The following EXOC4 variants were observed in gnomAD, a reference collection of about 807,000 sequenced individuals.
EXOC4 encodes the protein exocyst complex component 4.
Under a neutral mutation model 107.2 loss-of-function variants are expected in EXOC4, and 71 were observed. That is an observed-to-expected ratio of 0.66 (90% confidence interval 0.55 to 0.81). The LOEUF is 0.81. Ranked by LOEUF, EXOC4 falls within the 30% of genes least tolerant of loss-of-function variation. The pLI, the probability that EXOC4 is intolerant of heterozygous loss-of-function variation, is 0.00. For missense variants in EXOC4, 1,108 were observed against 1,189.6 expected (o/e 0.93, Z 1.01); for synonymous variants, 456 against 441.2 (o/e 1.03, Z -0.42).
chr7:133,548,939 C>T (rs1477843263), intron 9 of EXOC4, among the ~76,000 whole-genome samples: 1 of 152,200 alleles, frequency 6.6e-6, no homozygotes, highest in African/African-American at 2.4e-5. Context: ...TGCAAGAGGC[C>T]TGTCTTGGCT....
intron 17 of EXOC4, among the ~76,000 whole-genome samples, chr7:134,016,325 A>G (rs1794908094): frequency 6.6e-6 from 1 of 152,146 alleles, no homozygotes; most frequent in South Asian, 2.1e-4. Flanking sequence ...AGGTAGATGG[A>G]GAGTAATCCC....
At chr7:133,504,431 G>A (rs559519359) in intron 9 of EXOC4, among the ~76,000 whole-genome samples, 18 of 152,084 alleles carry the variant, frequency 1.2e-4, no homozygotes, top group South Asian at 1.0e-3. Flanking sequence ...TCAATTGATC[G>A]TTTAATTAAG....
chr7:133,542,826 T>C (rs1397205221), intron 9 of EXOC4, among the ~76,000 whole-genome samples: 1 of 152,192 alleles, frequency 6.6e-6, no homozygotes, highest in Non-Finnish European at 1.5e-5. Context: ...TATGTTTGAT[T>C]GTCAGTACCA....
chr7:133,650,520 A>G (rs1473198852), intron 10 of EXOC4, among the ~76,000 whole-genome samples: 1 of 152,152 alleles, frequency 6.6e-6, no homozygotes, highest in Non-Finnish European at 1.5e-5. Flanking sequence ...AGAAGTTTAC[A>G]TGGTGTGTGT....
chr7:133,876,934 T>C (rs1380114990), intron 11 of EXOC4, among the ~76,000 whole-genome samples: 1 of 152,206 alleles, frequency 6.6e-6, no homozygotes, highest in Non-Finnish European at 1.5e-5. Context: ...TTGAGATTTA[T>C]TGAGCTGCTT....
At chr7:133,903,582 C>T (rs979626924) in intron 12 of EXOC4, among the ~76,000 whole-genome samples, 2 of 152,146 alleles carry the variant, frequency 1.3e-5, no homozygotes, top group South Asian at 2.1e-4. Flanking sequence ...GCTATTGTGA[C>T]GGAGGATGCT....
chr7:133,959,131 C>CTCCA (rs1317948310), intron 14 of EXOC4, among the ~76,000 whole-genome samples: 3 of 152,156 alleles, frequency 2.0e-5, no homozygotes, highest in Non-Finnish European at 4.4e-5. Flanking sequence ...AGACACAAAA[C>CTCCA]TCCAGTCAGC....
intron 11 of EXOC4, among the ~76,000 whole-genome samples, chr7:133,862,684 A>G (rs940151379): frequency 6.6e-6 from 1 of 152,176 alleles, no homozygotes. Flanking sequence ...CAAGAAGTCA[A>G]ATTTGCTCTT....
chr7:133,372,829 C>G (rs1054781336), intron 6 of EXOC4, among the ~76,000 whole-genome samples: 8 of 152,134 alleles, frequency 5.3e-5, no homozygotes. Flanking sequence ...CCAATATTTA[C>G]CTTAACATAC....
chr7:133,720,820 GA>G (rs1251475791), intron 10 of EXOC4, among the ~76,000 whole-genome samples: 1 of 152,154 alleles, frequency 6.6e-6, no homozygotes, highest in Non-Finnish European at 1.5e-5. Context: ...ACTTCAAACT[GA>G]CCTGACTGCT....
intron 17 of EXOC4, among the ~76,000 whole-genome samples, chr7:134,042,252 A>G (rs1344923895): frequency 6.6e-6 from 1 of 152,226 alleles, no homozygotes; most frequent in African/African-American, 2.4e-5. Context: ...CATCTCTGCT[A>G]TAGAGTATAA....
At chr7:134,029,686 A>C (rs1230530152) in intron 17 of EXOC4, among the ~76,000 whole-genome samples, 1 of 151,974 alleles carries the variant, frequency 6.6e-6, no homozygotes, top group African/African-American at 2.4e-5. Flanking sequence ...CTCTCAGCTA[A>C]TTTTTTAAAA....
intron 13 of EXOC4, among the ~76,000 whole-genome samples, chr7:133,925,667 A>G (rs1800033955): frequency 6.6e-6 from 1 of 152,188 alleles, no homozygotes; most frequent in Non-Finnish European, 1.5e-5. Flanking sequence ...TTAAGTGGAT[A>G]GGTGTGATTG....
At chr7:133,561,142 G>A (rs1044544626) in intron 9 of EXOC4, among the ~76,000 whole-genome samples, 27 of 152,134 alleles carry the variant, frequency 1.8e-4, no homozygotes, top group African/African-American at 6.5e-4. Context: ...AGCTGTTTTA[G>A]GGTACCTCTG....
chr7:133,286,340 A>G (rs926292251), intron 2 of EXOC4, among the ~76,000 whole-genome samples: 1 of 152,098 alleles, frequency 6.6e-6, no homozygotes, highest in African/African-American at 2.4e-5. Flanking sequence ...GTCCTTGGTT[A>G]ATTGATGTAA....
intron 10 of EXOC4, among the ~76,000 whole-genome samples, chr7:133,799,712 A>C (rs1796893156): frequency 6.6e-6 from 1 of 152,188 alleles, no homozygotes; most frequent in African/African-American, 2.4e-5. Context: ...AGTTTTTGAG[A>C]AATGAAATAT....
intron 10 of EXOC4, among the ~76,000 whole-genome samples, chr7:133,658,780 G>A (rs1328275020): frequency 6.6e-6 from 1 of 152,226 alleles, no homozygotes; most frequent in African/African-American, 2.4e-5. Flanking sequence ...AAGGAATACT[G>A]TTGCAATAAG....
chr7:134,068,989 C>T (rs1411575979), downstream of EXOC4, among the ~76,000 whole-genome samples: 1 of 152,144 alleles, frequency 6.6e-6, no homozygotes, highest in Non-Finnish European at 1.5e-5. Flanking sequence ...GCTTATACTT[C>T]CACTGGCTTC....
chr7:133,339,107 G>A (rs901649880), intron 5 of EXOC4, among the ~76,000 whole-genome samples: 2 of 152,138 alleles, frequency 1.3e-5, no homozygotes, highest in Admixed American at 6.6e-5. Flanking sequence ...ACTTATAAGT[G>A]AGAACATATG....
Sources: gnomAD v4.1 joint callset for allele counts (sites outside exome capture counted in the v4.1 genomes callset) on GRCh38, gnomAD v4.1.1 for gene constraint, MANE v1.5 for transcripts, NCBI Gene and HGNC (gene_info 2026-07-23, HGNC 2026-07-21) for gene names.